FRMPD4: variants seen among roughly 807,000 people sequenced by gnomAD.
The protein encoded by FRMPD4 is FERM and PDZ domain containing 4.
Under a neutral mutation model 94.1 loss-of-function variants are expected in FRMPD4, and 22 were observed. The ratio of observed to expected loss-of-function variants is 0.23; its 90% CI spans 0.17 to 0.33. The LOEUF is 0.33. Ranked by LOEUF, FRMPD4 falls within the 10% of genes least tolerant of loss-of-function variation. The pLI is 1.00. For synonymous variants in FRMPD4, 631 were observed against 548.6 expected, an observed-to-expected ratio of 1.15 and a Z score of -2.10; for missense variants, 1,111 against 1,339.9, an observed-to-expected ratio of 0.83 and a Z score of 2.67.
intron 1 of FRMPD4, among the ~76,000 whole-genome samples, chrX:12,230,936 C>CTATATTACTA (rs2147775471): frequency 1.4e-5 from 1 of 70,463 alleles, no homozygotes; most frequent in East Asian, 4.0e-4. Flanking sequence ...ACTATATATA[C>CTATATTACTA]TATATATAGT....
chrX:12,641,748 ATCATTGCTGTAAAGGAAAACTATGCTTT>A (rs1379371437), intron 4 of FRMPD4, among the ~76,000 whole-genome samples: 4 of 112,627 alleles, frequency 3.6e-5, no homozygotes, highest in Non-Finnish European at 7.5e-5. Flanking sequence ...CTAGAAAAAG[ATCATTGCTGTAAAGGAAAACTATGCTTT>A]TCTAATATTT....
At chrX:11,881,331 C>T (rs1283638736) in intron 3 of FRMPD4, among the ~76,000 whole-genome samples, 1 of 112,236 alleles carries the variant, frequency 8.9e-6, no homozygotes, top group Non-Finnish European at 1.9e-5. Context: ...AACTTACATT[C>T]CCACAAAACC....
chrX:12,103,084 T>A (rs2055268777), intron 3 of FRMPD4, among the ~76,000 whole-genome samples: 1 of 111,504 alleles, frequency 9.0e-6, no homozygotes, highest in Non-Finnish European at 1.9e-5. Context: ...CCAGGAAGTG[T>A]CTTGAGATAT....
Position 12,721,283 on chromosome X carries a change from C to T in FRMPD4, c.4714C>T (p.Leu1572=), listed in dbSNP as rs1345174100. 23 of 753,650 alleles carry T rather than the reference C, an allele frequency of 3.1e-5. No individual in the cohort carries two copies. Among genetic ancestry groups the T allele is most frequent in the Non-Finnish European group, 3.6e-5 (23 of 638,556 alleles). 62.1% of individuals were successfully genotyped at this position (753,650 alleles called of 1,213,427 possible). A position where few individuals can be genotyped will look rare whatever the true frequency, so the allele number is the denominator to read the frequency against. The change falls in exon 17 of 17, where the codon CTG becomes TTG. Residue 1572 remains leucine, a synonymous_variant. Transcript: ENST00000675598. ...AGTGCTGAAGGTCTGGGCAGAAGAC[C>T]TGCGAGACCCAGATGACTTGGACTT... ...GSVLKVWAED[L]RDPDDLDFSN...
chrX:11,992,143 A>AG (rs1491348215), intron 3 of FRMPD4, among the ~76,000 whole-genome samples: 4 of 26,681 alleles, frequency 1.5e-4, no homozygotes, highest in African/African-American at 1.4e-4. Context: ...ATTAAAAGAG[A>AG]AAAAAAAAAT....
intron 3 of FRMPD4, among the ~76,000 whole-genome samples, chrX:11,918,740 G>A (rs1055464942): frequency 3.5e-5 from 4 of 112,707 alleles, no homozygotes; most frequent in African/African-American, 1.3e-4. Context: ...GGGGAAGTGA[G>A]CCATCTAAGC....
intron 1 of FRMPD4, among the ~76,000 whole-genome samples, chrX:12,343,859 C>T (rs1159221824): frequency 3.6e-5 from 4 of 111,902 alleles, no homozygotes; most frequent in Non-Finnish European, 5.6e-5. Flanking sequence ...TGAACAAAAC[C>T]TGAAAGTAGG....
intron 3 of FRMPD4, among the ~76,000 whole-genome samples, chrX:12,002,293 C>T (rs955740456): frequency 8.9e-6 from 1 of 111,895 alleles, no homozygotes; most frequent in Non-Finnish European, 1.9e-5. Flanking sequence ...TGCTTCTGTT[C>T]ATGTAGGTAT....
intron 3 of FRMPD4, among the ~76,000 whole-genome samples, chrX:12,122,734 A>G (rs2055466540): frequency 9.0e-6 from 1 of 111,412 alleles, no homozygotes; most frequent in African/African-American, 3.3e-5. Context: ...CTGACGTGGA[A>G]CAAGGCCACC....
At chrX:12,518,454 T>C (rs957206167) in intron 2 of FRMPD4, among the ~76,000 whole-genome samples, 1 of 112,253 alleles carries the variant, frequency 8.9e-6, no homozygotes, top group African/African-American at 3.2e-5. Context: ...AAGAAAATAC[T>C]AATATACTGA....
intron 2 of FRMPD4, among the ~76,000 whole-genome samples, chrX:12,542,732 A>G (rs1283574162): frequency 8.9e-6 from 1 of 112,013 alleles, no homozygotes; most frequent in African/African-American, 3.3e-5. Flanking sequence ...AATTGGAAAA[A>G]AACTACTTTA....
chrX:12,461,507 G>A (rs761931975), intron 1 of FRMPD4, among the ~76,000 whole-genome samples: 1 of 111,714 alleles, frequency 9.0e-6, no homozygotes, highest in Non-Finnish European at 1.9e-5. Flanking sequence ...AGTACATGAC[G>A]CCATCAATGT....
At chrX:12,701,726 C>T in intron 9 of FRMPD4, 148 bp from the exon 10 acceptor site, 1 of 516,811 alleles carries the variant, frequency 1.9e-6, no homozygotes, top group South Asian at 3.5e-5. Context: ...CGTTTCCAAG[C>T]AGCACGGTGG....
At chrX:12,404,615 A>G (rs1451973352) in intron 1 of FRMPD4, among the ~76,000 whole-genome samples, 1 of 112,257 alleles carries the variant, frequency 8.9e-6, no homozygotes, top group African/African-American at 3.2e-5. Context: ...CTTATCTCAC[A>G]TCTGGATGAA....
chrX:12,495,524 C>T (rs958384347), intron 1 of FRMPD4, among the ~76,000 whole-genome samples: 1 of 110,988 alleles, frequency 9.0e-6, no homozygotes. Context: ...TGTGTGGAAG[C>T]TTGTTAAACA....
chrX:12,498,265 G>C, intron 1 of FRMPD4, among the ~76,000 whole-genome samples: 1 of 111,829 alleles, frequency 8.9e-6, no homozygotes, highest in South Asian at 3.8e-4. Context: ...GTTAAGGTCT[G>C]AGGAAGTCTT....
At chrX:11,997,049 G>A in intron 3 of FRMPD4, among the ~76,000 whole-genome samples, 1 of 111,270 alleles carries the variant, frequency 9.0e-6, no homozygotes, top group Non-Finnish European at 1.9e-5. Flanking sequence ...AGGTTCTTCT[G>A]TCTAAACAAA....
Position 12,203,615 on chromosome X carries a change from G to A in FRMPD4, c.41+64603G>A, listed in dbSNP as rs769204905. On this transcript the variant is annotated intron_variant, in intron 1 of 16. Transcript: ENST00000675598. ...GTGATACTGGGGAGAGTTTTGAAGG[G>A]CAAGGACAGAACTGAATACAAGAGA... 4.5e-5 allele frequency among the ~76,000 whole-genome samples: 5 copies of A among 112,083 alleles called. No individual in the cohort carries two copies. The South Asian group carries it at 1.1e-3, about 25-fold the overall frequency.
intron 13 of FRMPD4, 83 bp from the exon 14 acceptor site, chrX:12,710,316 C>T: frequency 1.3e-6 from 1 of 785,250 alleles, no homozygotes; most frequent in Non-Finnish European, 1.8e-6. Context: ...CTCCTTTTTC[C>T]ATAAGCATAA....
Sources: allele counts gnomAD v4.1 joint callset (sites outside exome capture counted in the v4.1 genomes callset), GRCh38; gene constraint gnomAD v4.1.1; transcripts MANE v1.5; gene names NCBI Gene and HGNC (gene_info 2026-07-23, HGNC 2026-07-21).